Variants in IPO8 observed in about 807,000 individuals in gnomAD.
IPO8 encodes importin-8.
IPO8 carries 65 observed loss-of-function variants against 141.2 expected under a neutral mutation model. That is an observed-to-expected ratio of 0.46 (90% confidence interval 0.38 to 0.57). The LOEUF (loss-of-function observed/expected upper bound fraction) is 0.57. IPO8 is among the 20% of genes least tolerant of loss of function. The probability of loss-of-function intolerance (pLI) is 0.00; values close to 1 mark genes in which losing one functional copy is unlikely to be tolerated. For missense variants in IPO8, 980 were observed against 1,246.8 expected (o/e 0.79, Z 3.22); for synonymous variants, 411 against 420.3 (o/e 0.98, Z 0.27).
At chr12:30,679,986 A>AT (rs202159223) in intron 5 of IPO8, among the ~76,000 whole-genome samples, 103 of 146,760 alleles carry the variant, frequency 7.0e-4, no homozygotes, top group East Asian at 4.9e-3. Flanking sequence ...TAGCATTCAG[A>AT]TTTTTTTTTT....
At chr12:30,652,680 G>A (rs1266858596) in intron 18 of IPO8, among the ~76,000 whole-genome samples, 1 of 152,060 alleles carries the variant, frequency 6.6e-6, no homozygotes, top group Non-Finnish European at 1.5e-5. Flanking sequence ...GATTAGAATA[G>A]GGCTTGGAAT....
chr12:30,677,580 C>A (rs1158908721), intron 5 of IPO8, among the ~76,000 whole-genome samples: 1 of 151,572 alleles, frequency 6.6e-6, no homozygotes, highest in African/African-American at 2.4e-5. Flanking sequence ...CAGCTCCATG[C>A]ATGTTATTGC....
intron 17 of IPO8, among the ~76,000 whole-genome samples, chr12:30,653,883 C>T (rs1297854778): frequency 1.3e-5 from 2 of 151,428 alleles, no homozygotes; most frequent in East Asian, 1.9e-4. Flanking sequence ...CAAAAGCTAG[C>T]AAAATAAAAT....
At chr12:30,674,775 G>C (rs373440421) in intron 6 of IPO8, 22 bp from the exon 7 acceptor site, 8 of 1,472,222 alleles carry the variant, frequency 5.4e-6, no homozygotes, top group Middle Eastern at 1.7e-4. Flanking sequence ...AAATTACCCA[G>C]ATTAAAGTTC....
chr12:30,644,386 T>C (rs902081245), intron 20 of IPO8, among the ~76,000 whole-genome samples: 1 of 143,756 alleles, frequency 7.0e-6, no homozygotes, highest in Admixed American at 6.8e-5. Context: ...AAAAAAAAGG[T>C]TTTTAAATAA....
intron 23 of IPO8, among the ~76,000 whole-genome samples, 154 bp from the exon 24 acceptor site, chr12:30,632,165 C>T (rs112995115): frequency 7.2e-5 from 11 of 152,238 alleles, no homozygotes; most frequent in African/African-American, 2.6e-4. Context: ...AAACTTACGC[C>T]AACAAAGGAT....
chr12:30,656,436 T>C (rs575898542), intron 17 of IPO8, among the ~76,000 whole-genome samples: 1 of 152,316 alleles, frequency 6.6e-6, no homozygotes, highest in African/African-American at 2.4e-5. Flanking sequence ...TTTCTAGCAA[T>C]GTACAATTTA....
In IPO8 at chr12:30,642,629, T is replaced by C. The variant is rs558705358; in HGVS notation, c.2269-2894A>G. Among the ~76,000 whole-genome samples the C allele has an allele frequency of 3.3e-5, 5 of 151,226 alleles. No individual in the cohort carries two copies. The East Asian group carries it at 5.8e-4, about 18-fold the overall frequency. ...GCTAATTATCAATTTATTAATACGA[T>C]ATATAAATAGTACATATTATATATA... On this transcript the variant is annotated intron_variant, in intron 20 of 24. Transcript: ENST00000256079.
chr12:30,667,695 C>T (rs149783618), intron 10 of IPO8, among the ~76,000 whole-genome samples: 5 of 152,276 alleles, frequency 3.3e-5, no homozygotes, highest in South Asian at 2.1e-4. Flanking sequence ...TACCCATATC[C>T]GCTTTTAAAC....
intron 19 of IPO8, 133 bp from the exon 20 acceptor site, chr12:30,649,365 C>G: frequency 3.7e-6 from 2 of 534,790 alleles, no homozygotes; most frequent in Non-Finnish European, 6.6e-6. Flanking sequence ...TTTACCTCAC[C>G]AACCCAAAGA....
Position 30,629,840 on chromosome 12 carries a change from G to C in IPO8, c.*1020C>G, listed in dbSNP as rs1402186508. 1 of 151,984 alleles carries C rather than the reference G, an allele frequency of 6.6e-6. No homozygotes were observed. The highest frequency in any genetic ancestry group is 2.4e-5 in the African/African-American group (1 of 41,356). 9.4% of individuals were successfully genotyped at this position (151,984 alleles called of 1,614,324 possible). ...AGAAAGCAAGAAGTTAGATTTGTTT[G>C]GGTCTTTTTCCTAGATTAAAAAAAA... On this transcript the variant is annotated 3_prime_UTR_variant, in exon 25 of 25. Coordinates refer to ENST00000256079, the MANE Select transcript of IPO8 (RefSeq NM_006390.4).
At chr12:30,662,233 G>T in intron 15 of IPO8, 94 bp downstream of exon 15, 1 of 948,670 alleles carries the variant, frequency 1.1e-6, no homozygotes, top group South Asian at 1.6e-5. Context: ...AGCAGCACAT[G>T]ACTGTACAAA....
intron 9 of IPO8, among the ~76,000 whole-genome samples, chr12:30,669,511 G>C (rs531885756): frequency 1.3e-5 from 2 of 152,056 alleles, no homozygotes; most frequent in South Asian, 4.2e-4. Context: ...ATATTAAAGG[G>C]CCAGGCATGG....
intron 8 of IPO8, among the ~76,000 whole-genome samples, chr12:30,671,402 G>A (rs912917297): frequency 3.3e-5 from 5 of 152,070 alleles, no homozygotes; most frequent in South Asian, 2.1e-4. Flanking sequence ...AGCCGGGCAC[G>A]GTGGCTCAAG....
chr12:30,668,984 C>T (rs114161986), intron 10 of IPO8, among the ~76,000 whole-genome samples, 199 bp downstream of exon 10: 2,919 of 152,238 alleles, frequency 0.019, 77 homozygotes, highest in African/African-American at 0.066. Context: ...AATGAGGTGG[C>T]TTTTCATCTC....
chr12:30,674,891 T>C (rs934936790), intron 6 of IPO8, 138 bp from the exon 7 acceptor site: 10 of 655,600 alleles, frequency 1.5e-5, no homozygotes, highest in African/African-American at 1.3e-4. Flanking sequence ...GAAAATTCTT[T>C]ATAGATTGCT....
At position 30,663,661 on chromosome 12, in the gene IPO8, T is replaced by C. The variant is rs756601252; in HGVS notation, c.1429-7A>G. 6.3e-7 allele frequency: 1 copy of C among 1,591,940 alleles called. No homozygotes were observed. The highest frequency in any genetic ancestry group is 2.2e-5 in the East Asian group (1 of 44,592). The stretch of plus-strand genomic sequence containing the variant: ...CATGAAGTACCCAGCAAGACTGTAT[T>C]ATTAAAAAAGGTAAGTAGGGAGCTA... On this transcript the variant is annotated splice_polypyrimidine_tract_variant and splice_region_variant and intron_variant, in intron 13 of 24. Coordinates refer to ENST00000256079, the MANE Select transcript of IPO8 (RefSeq NM_006390.4).
chr12:30,663,459 G>C (rs1316168895), intron 14 of IPO8, 30 bp downstream of exon 14: 1 of 1,558,076 alleles, frequency 6.4e-7, no homozygotes, highest in East Asian at 2.3e-5. Flanking sequence ...AATTATTTGA[G>C]AAGATGTCTA....
chr12:30,645,506 A>G (rs893870600), intron 20 of IPO8, among the ~76,000 whole-genome samples: 2 of 152,148 alleles, frequency 1.3e-5, no homozygotes, highest in Non-Finnish European at 2.9e-5. Flanking sequence ...AACAAAAAGC[A>G]AGCAGACGGG....
Sources: gnomAD v4.1 joint callset for allele counts (sites outside exome capture counted in the v4.1 genomes callset) on GRCh38, gnomAD v4.1.1 for gene constraint, MANE v1.5 for transcripts, NCBI Gene and HGNC (gene_info 2026-07-23, HGNC 2026-07-21) for gene names.